Variants in SGCZ observed in about 807,000 individuals in gnomAD.
The protein encoded by SGCZ is zeta-sarcoglycan.
A neutral mutation model predicts 41.3 loss-of-function variants in SGCZ; 40 were observed. The ratio of observed to expected loss-of-function variants is 0.97; its 90% CI spans 0.75 to 1.26. SGCZ has a LOEUF of 1.26. SGCZ is among the 50% of genes most tolerant of loss of function. SGCZ has a pLI of 0.00. For synonymous variants in SGCZ, 206 were observed against 137.5 expected, an observed-to-expected ratio of 1.50 and a Z score of -3.49; for missense variants, 552 against 369.8, an observed-to-expected ratio of 1.49 and a Z score of -4.04.
At chr8:14,347,696 T>G (rs1802939767) in intron 2 of SGCZ, among the ~76,000 whole-genome samples, 1 of 151,976 alleles carries the variant, frequency 6.6e-6, no homozygotes, top group African/African-American at 2.4e-5. Flanking sequence ...TTTTAGAGAT[T>G]ATTTATTTAT....
chr8:14,567,404 G>A (rs1464476713), intron 1 of SGCZ, among the ~76,000 whole-genome samples: 7 of 152,114 alleles, frequency 4.6e-5, no homozygotes, highest in Admixed American at 2.6e-4. Context: ...TACACCAGTG[G>A]ACACTCTTTA....
chr8:14,655,182 GT>G (rs1367846356), intron 1 of SGCZ, among the ~76,000 whole-genome samples: 1 of 151,980 alleles, frequency 6.6e-6, no homozygotes, highest in Non-Finnish European at 1.5e-5. Context: ...ATTTACATGG[GT>G]ATGAACTGTA....
intron 1 of SGCZ, among the ~76,000 whole-genome samples, chr8:15,180,252 A>G (rs1286675184): frequency 6.6e-6 from 1 of 152,188 alleles, no homozygotes. Flanking sequence ...GAGTGCTTCA[A>G]ATGTGTAGAA....
chr8:14,387,004 T>G (rs1359460634), intron 2 of SGCZ, among the ~76,000 whole-genome samples: 1 of 152,212 alleles, frequency 6.6e-6, no homozygotes, highest in African/African-American at 2.4e-5. Flanking sequence ...TTTGCCAAAG[T>G]AAAGTACTTA....
intron 2 of SGCZ, among the ~76,000 whole-genome samples, chr8:14,530,771 C>A (rs1803104138): frequency 6.9e-6 from 1 of 145,322 alleles, no homozygotes; most frequent in Non-Finnish European, 1.6e-5. Context: ...TCCCTTTAGC[C>A]CAGAAGCTCA....
chr8:15,101,601 A>G (rs554120995), intron 1 of SGCZ, among the ~76,000 whole-genome samples: 14 of 152,312 alleles, frequency 9.2e-5, no homozygotes, highest in Middle Eastern at 3.4e-3. Flanking sequence ...AAGTGGAACA[A>G]TAGAAATTCT....
At chr8:14,327,838 C>G (rs1042660760) in intron 2 of SGCZ, among the ~76,000 whole-genome samples, 9 of 152,056 alleles carry the variant, frequency 5.9e-5, no homozygotes, top group African/African-American at 1.4e-4. Flanking sequence ...TGGAGTGCAG[C>G]GGCGCAATCT....
intron 2 of SGCZ, among the ~76,000 whole-genome samples, chr8:14,395,422 G>T (rs1466885347): frequency 2.6e-5 from 4 of 152,128 alleles, no homozygotes; most frequent in Admixed American, 2.6e-4. Flanking sequence ...GATTTAAAAA[G>T]AGACTATTGC....
intron 2 of SGCZ, among the ~76,000 whole-genome samples, chr8:14,530,392 T>C (rs1179461207): frequency 6.6e-6 from 1 of 152,128 alleles, no homozygotes; most frequent in Non-Finnish European, 1.5e-5. Context: ...TTTTCTGTCA[T>C]GAAGACTCTT....
chr8:14,744,549 T>A (rs1375634197), intron 1 of SGCZ, among the ~76,000 whole-genome samples: 2 of 152,144 alleles, frequency 1.3e-5, no homozygotes, highest in Non-Finnish European at 2.9e-5. Flanking sequence ...AAAATCAGTA[T>A]CTCTGTGGAA....
At chr8:14,748,639 G>A (rs914257514) in intron 1 of SGCZ, among the ~76,000 whole-genome samples, 7 of 152,148 alleles carry the variant, frequency 4.6e-5, no homozygotes, top group Admixed American at 2.6e-4. Flanking sequence ...AAAGCTAAAA[G>A]GGAGCAAGAG....
chr8:14,391,122 C>A (rs544927825), intron 2 of SGCZ, among the ~76,000 whole-genome samples: 120 of 152,194 alleles, frequency 7.9e-4, no homozygotes, highest in African/African-American at 2.8e-3. Flanking sequence ...TTACATATGT[C>A]CTTAATTAAG....
At chr8:14,470,798 G>C (rs1417502550) in intron 2 of SGCZ, among the ~76,000 whole-genome samples, 1 of 152,238 alleles carries the variant, frequency 6.6e-6, no homozygotes, top group Non-Finnish European at 1.5e-5. Flanking sequence ...ATTCGAACTC[G>C]AGTTCCTAGA....
intron 1 of SGCZ, among the ~76,000 whole-genome samples, chr8:14,723,533 G>A (rs1423392197): frequency 2.6e-5 from 4 of 152,118 alleles, no homozygotes. Flanking sequence ...ACGGAGCCTG[G>A]CCATAGGTGC....
intron 1 of SGCZ, among the ~76,000 whole-genome samples, chr8:15,077,897 G>C (rs1269067452): frequency 6.6e-6 from 1 of 152,116 alleles, no homozygotes; most frequent in Non-Finnish European, 1.5e-5. Flanking sequence ...GGCAGATAAG[G>C]AAGTGTCCCC....
chr8:15,016,697 A>C (rs927930796), intron 1 of SGCZ, among the ~76,000 whole-genome samples: 1 of 152,134 alleles, frequency 6.6e-6, no homozygotes, highest in African/African-American at 2.4e-5. Flanking sequence ...TCTATTTTAC[A>C]TTGCTATAAC....
intron 2 of SGCZ, among the ~76,000 whole-genome samples, chr8:14,381,342 A>G (rs994520454): frequency 2.0e-5 from 3 of 152,334 alleles, no homozygotes; most frequent in South Asian, 2.1e-4. Flanking sequence ...ACCTTCTACA[A>G]TCAGAAATTA....
At chr8:14,260,539 C>T (rs911306527) in intron 3 of SGCZ, among the ~76,000 whole-genome samples, 1 of 147,430 alleles carries the variant, frequency 6.8e-6, no homozygotes, top group African/African-American at 2.5e-5. Flanking sequence ...GTCAGTGTGG[C>T]GATTCCTCAG....
chr8:14,803,726 C>A (rs1031663230), intron 1 of SGCZ, among the ~76,000 whole-genome samples: 8 of 151,550 alleles, frequency 5.3e-5, no homozygotes, highest in Non-Finnish European at 1.2e-4. Flanking sequence ...TGGAGCCCAC[C>A]ACAGCTCAAG....
Sources: allele counts gnomAD v4.1 joint callset (sites outside exome capture counted in the v4.1 genomes callset), GRCh38; gene constraint gnomAD v4.1.1; transcripts MANE v1.5; gene names NCBI Gene and HGNC (gene_info 2026-07-23, HGNC 2026-07-21).